The following HEPACAM2 variants were observed in gnomAD, a reference collection of about 807,000 sequenced individuals.
The protein encoded by HEPACAM2 is mitotic kinetics regulator.
In HEPACAM2, 49 loss-of-function variants were observed where a neutral mutation model predicts 49.6. The observed-to-expected ratio is 0.99, with a 90% CI of 0.78 to 1.25. The LOEUF is 1.25. Among genes scored for constraint, HEPACAM2 ranks in the 50% most tolerant of loss-of-function variants. The pLI is 0.00. For missense variants in HEPACAM2, 525 were observed against 557.2 expected, an observed-to-expected ratio of 0.94 and a Z score of 0.58; for synonymous variants, 197 against 202.9, an observed-to-expected ratio of 0.97 and a Z score of 0.25.
chr7:93,189,856 G>A (rs1303846607), intron 9 of HEPACAM2, among the ~76,000 whole-genome samples: 1 of 151,952 alleles, frequency 6.6e-6, no homozygotes, highest in Non-Finnish European at 1.5e-5. Context: ...GAATAGATGG[G>A]AGAGAGTCAC....
At chr7:93,204,387 GT>G (rs1189620227) in intron 4 of HEPACAM2, among the ~76,000 whole-genome samples, 1 of 151,584 alleles carries the variant, frequency 6.6e-6, no homozygotes, top group African/African-American at 2.4e-5. Flanking sequence ...CTCTCTGTCT[GT>G]CTGTCTATAC....
At chr7:93,219,066 A>G in intron 2 of HEPACAM2, 35 bp downstream of exon 2, 1 of 1,582,874 alleles carries the variant, frequency 6.3e-7, no homozygotes. Flanking sequence ...CTACCATGCT[A>G]GACTGCTGCC....
intron 3 of HEPACAM2, 37 bp downstream of exon 3, chr7:93,215,364 A>G (rs902095404): frequency 1.3e-6 from 2 of 1,585,120 alleles, no homozygotes; most frequent in African/African-American, 2.7e-5. Flanking sequence ...AGAAAACAAC[A>G]AAAAACAACT....
At chr7:93,205,666 A>G (rs1481680560) in intron 4 of HEPACAM2, 1 of 152,150 alleles carries the variant, frequency 6.6e-6, no homozygotes, top group Non-Finnish European at 1.5e-5. Flanking sequence ...CTTGCAAGTG[A>G]TGGTCATTTA....
intron 1 of HEPACAM2, chr7:93,226,100 A>G: frequency 1.9e-6 from 1 of 539,750 alleles, no homozygotes; most frequent in Non-Finnish European, 3.2e-6. Flanking sequence ...GAAATTCATT[A>G]TCTTTTAAAA....
intron 1 of HEPACAM2, among the ~76,000 whole-genome samples, chr7:93,224,064 C>G (rs867481907): frequency 6.6e-6 from 1 of 151,826 alleles, no homozygotes; most frequent in Non-Finnish European, 1.5e-5. Flanking sequence ...ATGAGAAAAC[C>G]CAAAGGACTA....
At chr7:93,196,255 C>T (rs1482174359) in intron 7 of HEPACAM2, among the ~76,000 whole-genome samples, 1 of 152,104 alleles carries the variant, frequency 6.6e-6, no homozygotes, top group Non-Finnish European at 1.5e-5. Context: ...GTTCTTGATC[C>T]ACCCGTAATA....
rs762753952 is a variant in HEPACAM2, at chr7:93,219,426, T to C, written c.105A>G (p.Thr35=). Reference sequence around the variant, plus strand: ...CGCCATGGACAGTGTGTGATGGCACTGTCACCTTCAGCCCCGAGCAAGCAC... The same window carrying C: ...CGCCATGGACAGTGTGTGATGGCACCGTCACCTTCAGCCCCGAGCAAGCAC... The part of the protein sequence containing the change: ...LFGACSGLKV[T]VPSHTVHGVR... The change falls in exon 2 of 10, where the codon ACA becomes ACG. Residue 35 remains threonine (T), a synonymous_variant. Transcript: ENST00000394468. 1.9e-6 allele frequency: 3 copies of C among 1,613,850 alleles called. No homozygotes were observed. The highest frequency in any genetic ancestry group is 3.3e-5 in the Admixed American group (2 of 59,964).
chr7:93,192,431 A>G, intron 8 of HEPACAM2, 68 bp from the exon 9 acceptor site: 3 of 1,172,868 alleles, frequency 2.6e-6, no homozygotes, highest in Non-Finnish European at 2.5e-6. Flanking sequence ...ACTATGTTGC[A>G]TAGTTGAAAA....
chr7:93,202,428 T>C (rs956365183), intron 4 of HEPACAM2, among the ~76,000 whole-genome samples: 2 of 152,048 alleles, frequency 1.3e-5, no homozygotes, highest in Admixed American at 1.3e-4. Flanking sequence ...TTTTTCTGAC[T>C]GCAAGTTCAA....
chr7:93,223,628 G>A (rs1794490309), intron 1 of HEPACAM2, among the ~76,000 whole-genome samples: 1 of 152,000 alleles, frequency 6.6e-6, no homozygotes, highest in Admixed American at 6.6e-5. Context: ...TAAATGAAAA[G>A]TTTTTTTCAA....
intron 4 of HEPACAM2, among the ~76,000 whole-genome samples, chr7:93,201,848 C>A (rs1793891939): frequency 6.6e-6 from 1 of 151,896 alleles, no homozygotes. Flanking sequence ...TTGTTCTTTA[C>A]ATAACTGGAT....
intron 1 of HEPACAM2, among the ~76,000 whole-genome samples, chr7:93,222,310 C>CA (rs1044938692): frequency 1.1e-4 from 16 of 149,214 alleles, no homozygotes; most frequent in East Asian, 7.8e-4. Flanking sequence ...TAAGCGACAA[C>CA]AAAAAAAAAT....
At chr7:93,199,011 A>G (rs139297931) in intron 4 of HEPACAM2, among the ~76,000 whole-genome samples, 97 of 152,186 alleles carry the variant, frequency 6.4e-4, no homozygotes, top group African/African-American at 2.3e-3. Context: ...CATCATGGAA[A>G]TCGGTTATCT....
chr7:93,210,298 C>G (rs888173174), intron 3 of HEPACAM2, among the ~76,000 whole-genome samples: 9 of 151,820 alleles, frequency 5.9e-5, no homozygotes, highest in African/African-American at 1.9e-4. Context: ...AGAGCAACCA[C>G]CATGAGGTAG....
intron 1 of HEPACAM2, among the ~76,000 whole-genome samples, chr7:93,222,262 T>C (rs1171820016): frequency 6.6e-6 from 1 of 152,148 alleles, no homozygotes; most frequent in Non-Finnish European, 1.5e-5. Context: ...ATGTCTTTCA[T>C]TGAAGTTGAA....
At chr7:93,222,244 G>A (rs1794464819) in intron 1 of HEPACAM2, among the ~76,000 whole-genome samples, 1 of 152,052 alleles carries the variant, frequency 6.6e-6, no homozygotes, top group Non-Finnish European at 1.5e-5. Flanking sequence ...AAAACAAAAT[G>A]CATTTATATG....
intron 4 of HEPACAM2, among the ~76,000 whole-genome samples, chr7:93,199,627 A>G (rs1584333427): frequency 1.3e-5 from 2 of 152,050 alleles, no homozygotes; most frequent in Non-Finnish European, 2.9e-5. Context: ...CTGATACTCT[A>G]TGACTTGGGG....
At chr7:93,192,606 T>C (rs924052715) in intron 8 of HEPACAM2, among the ~76,000 whole-genome samples, 7 of 152,040 alleles carry the variant, frequency 4.6e-5, no homozygotes, top group Non-Finnish European at 2.9e-5. Flanking sequence ...GATTTTTTCT[T>C]CATTTAAGAA....
Sources: allele counts gnomAD v4.1 joint callset (sites outside exome capture counted in the v4.1 genomes callset), GRCh38; gene constraint gnomAD v4.1.1; transcripts MANE v1.5; gene names NCBI Gene and HGNC (gene_info 2026-07-23, HGNC 2026-07-21).